SPAG16: variants seen among roughly 807,000 people sequenced by gnomAD.
SPAG16 encodes sperm-associated antigen 16 protein.
Under a neutral mutation model 80.4 loss-of-function variants are expected in SPAG16, and 86 were observed. The observed-to-expected ratio is 1.07, with a 90% CI of 0.90 to 1.28. SPAG16 has a LOEUF of 1.28. Among genes scored for constraint, SPAG16 ranks in the 50% most tolerant of loss-of-function variants. SPAG16 has a pLI of 0.00. For missense variants in SPAG16, 870 were observed against 765.3 expected (o/e 1.14, Z -1.61); for synonymous variants, 294 against 265.9 (o/e 1.11, Z -1.03).
intron 9 of SPAG16, among the ~76,000 whole-genome samples, chr2:213,482,980 A>G (rs114919781): frequency 0.013 from 2,007 of 152,308 alleles, 21 homozygotes; most frequent in South Asian, 0.038. Context: ...TGAATACAAA[A>G]TATTATAAAG....
chr2:213,918,288 G>A (rs2078058437), intron 11 of SPAG16, among the ~76,000 whole-genome samples: 1 of 152,144 alleles, frequency 6.6e-6, no homozygotes, highest in Admixed American at 6.6e-5. Context: ...CTCATAAAAT[G>A]AGTTGAGAAG....
At chr2:214,342,240 GGGGTTCCCAAACC>G (rs934941785) in intron 15 of SPAG16, among the ~76,000 whole-genome samples, 12 of 152,118 alleles carry the variant, frequency 7.9e-5, no homozygotes, top group Non-Finnish European at 1.8e-4. Context: ...TCCCAAAGCA[GGGGTTCCCAAACC>G]CATGACCATG....
At chr2:213,369,496 A>G (rs992253750) in intron 8 of SPAG16, among the ~76,000 whole-genome samples, 4 of 152,174 alleles carry the variant, frequency 2.6e-5, no homozygotes, top group African/African-American at 9.7e-5. Flanking sequence ...TATTTGTCAA[A>G]ACACACCTAT....
chr2:213,578,766 ATTG>A (rs2060210358), intron 10 of SPAG16, among the ~76,000 whole-genome samples: 1 of 152,052 alleles, frequency 6.6e-6, no homozygotes, highest in Non-Finnish European at 1.5e-5. Flanking sequence ...TTCTGCTTAT[ATTG>A]TTGTAAAGAT....
intron 14 of SPAG16, among the ~76,000 whole-genome samples, chr2:214,113,425 G>C (rs115052593): frequency 0.093 from 14,094 of 152,146 alleles, 830 homozygotes; most frequent in East Asian, 0.29. Flanking sequence ...TTTCCAACTT[G>C]GTTCCATTTT....
At chr2:214,177,927 A>ATATATATACATATATATATATATG (rs1409428241) in intron 15 of SPAG16, among the ~76,000 whole-genome samples, 2 of 134,846 alleles carry the variant, frequency 1.5e-5, no homozygotes, top group Non-Finnish European at 3.2e-5. Flanking sequence ...ATATATATAT[A>ATATATATACATATATATATATATG]TATATATGGC....
chr2:214,333,784 G>T (rs1168537354), intron 15 of SPAG16, among the ~76,000 whole-genome samples: 1 of 152,108 alleles, frequency 6.6e-6, no homozygotes, highest in Non-Finnish European at 1.5e-5. Flanking sequence ...ACCAAATTCA[G>T]GGCTTTGAAT....
chr2:213,929,000 CTTTTTTTTTTTTTTTTTT>C (rs59993057), intron 11 of SPAG16, among the ~76,000 whole-genome samples: 2 of 40,834 alleles, frequency 4.9e-5, no homozygotes, highest in Non-Finnish European at 8.2e-5. Flanking sequence ...CTTTTCTTTT[CTTTTTTTTTTTTTTTTTT>C]TTTTTTTTTT....
chr2:214,326,621 G>T (rs897889662), intron 15 of SPAG16, among the ~76,000 whole-genome samples: 36 of 152,070 alleles, frequency 2.4e-4, no homozygotes, highest in African/African-American at 7.7e-4. Context: ...GCATGATAGA[G>T]GTATTTGTCA....
intron 15 of SPAG16, among the ~76,000 whole-genome samples, chr2:214,300,462 T>C (rs537462744): frequency 1.7e-4 from 26 of 152,304 alleles, no homozygotes; most frequent in African/African-American, 5.8e-4. Context: ...TCCAATGTTA[T>C]GATTTTTAAA....
intron 11 of SPAG16, among the ~76,000 whole-genome samples, chr2:213,904,900 G>A (rs1368622524): frequency 6.6e-6 from 1 of 152,144 alleles, no homozygotes; most frequent in African/African-American, 2.4e-5. Flanking sequence ...GGGTCTTGTT[G>A]TTAGGGTTTT....
intron 15 of SPAG16, among the ~76,000 whole-genome samples, chr2:214,153,855 A>G (rs1026171368): frequency 2.0e-5 from 3 of 152,134 alleles, no homozygotes; most frequent in African/African-American, 7.2e-5. Flanking sequence ...TGCTGTAAAA[A>G]ATCAGCCTCT....
At chr2:213,305,614 A>G (rs1314945466) in intron 3 of SPAG16, among the ~76,000 whole-genome samples, 1 of 152,176 alleles carries the variant, frequency 6.6e-6, no homozygotes, top group Non-Finnish European at 1.5e-5. Context: ...AATTGAAAGG[A>G]TAATATGATT....
chr2:213,445,035 A>G (rs1420202416), intron 9 of SPAG16, among the ~76,000 whole-genome samples: 1 of 152,222 alleles, frequency 6.6e-6, no homozygotes, highest in Non-Finnish European at 1.5e-5. Context: ...AAAACTGAAT[A>G]TCCATATGCA....
intron 10 of SPAG16, among the ~76,000 whole-genome samples, chr2:213,734,679 T>C (rs528523371): frequency 2.7e-5 from 4 of 149,992 alleles, no homozygotes; most frequent in African/African-American, 9.8e-5. Flanking sequence ...TATGGGTTCT[T>C]CTTTCTCATT....
chr2:213,702,561 C>T (rs750565019), intron 10 of SPAG16, among the ~76,000 whole-genome samples: 1 of 152,112 alleles, frequency 6.6e-6, no homozygotes, highest in African/African-American at 2.4e-5. Flanking sequence ...TTGGCGAGAC[C>T]AAGAACCCAC....
chr2:213,351,750 T>C (rs553359913), intron 7 of SPAG16, among the ~76,000 whole-genome samples: 74 of 152,316 alleles, frequency 4.9e-4, no homozygotes, highest in Non-Finnish European at 4.6e-4. Context: ...TTTTGTCTTT[T>C]GAGTGAAATT....
intron 13 of SPAG16, among the ~76,000 whole-genome samples, chr2:214,051,832 T>A (rs1029173906): frequency 2.2e-4 from 34 of 152,332 alleles, no homozygotes; most frequent in African/African-American, 8.2e-4. Flanking sequence ...TCCTTGGTAA[T>A]CTGATGTCAC....
intron 10 of SPAG16, among the ~76,000 whole-genome samples, chr2:213,564,494 TAAAAAAA>T (rs77022819): frequency 8.2e-6 from 1 of 121,372 alleles, no homozygotes; most frequent in African/African-American, 3.0e-5. Context: ...GACTCTGTCT[TAAAAAAA>T]AAAAAAAAAA....
Sources: allele counts gnomAD v4.1 joint callset (sites outside exome capture counted in the v4.1 genomes callset), GRCh38; gene constraint gnomAD v4.1.1; transcripts MANE v1.5; gene names NCBI Gene and HGNC (gene_info 2026-07-23, HGNC 2026-07-21).